Variants in CFAP52 observed in about 807,000 individuals in gnomAD.
CFAP52 encodes the protein cilia and flagella associated protein 52.
A neutral mutation model predicts 70.5 loss-of-function variants in CFAP52; 57 were observed. The ratio of observed to expected loss-of-function variants is 0.81; its 90% CI spans 0.65 to 1.01. The LOEUF (loss-of-function observed/expected upper bound fraction) is 1.01, where lower values mean the gene tolerates loss of function less well. CFAP52 is among the 50% of genes least tolerant of loss of function. The pLI, the probability that CFAP52 is intolerant of heterozygous loss-of-function variation, is 0.00. For synonymous variants in CFAP52, 267 were observed against 292.5 expected, an observed-to-expected ratio of 0.91 and a Z score of 0.89; for missense variants, 785 against 788.5, an observed-to-expected ratio of 1.00 and a Z score of 0.05.
intron 2 of CFAP52, 119 bp from the exon 3 acceptor site, chr17:9,586,579 A>C (rs1908491805): frequency 7.4e-7 from 1 of 1,356,992 alleles, no homozygotes; most frequent in East Asian, 2.5e-5. Flanking sequence ...AAAAAAAAAA[A>C]AAAAAAGAAA....
chr17:9,616,079 C>T (rs1470138390), intron 8 of CFAP52, among the ~76,000 whole-genome samples: 2 of 150,986 alleles, frequency 1.3e-5, no homozygotes, highest in East Asian at 2.0e-4. Flanking sequence ...GCATTTCCAT[C>T]TGAGGTACCG....
At chr17:9,580,643 T>A (rs1197204188) in intron 1 of CFAP52, among the ~76,000 whole-genome samples, 1 of 149,166 alleles carries the variant, frequency 6.7e-6, no homozygotes, top group East Asian at 2.0e-4. Flanking sequence ...GAGCCATCAC[T>A]GTACCACTGC....
rs143563239 is a variant in CFAP52, at chr17:9,576,788, G to A, written c.70+23G>A. ...ATGGTGAGGCCTCCAGCATCTTTGG[G>A]CTGGCTGGTTTAGGAATTCGGAGGA... On this transcript the variant is annotated intron_variant, in intron 1 of 13. Coordinates refer to ENST00000352665, the MANE Select transcript of CFAP52 (RefSeq NM_145054.5). 324 of 1,605,580 alleles carry A rather than the reference G, an allele frequency of 2.0e-4. 2 individuals carry two copies. In the African/African-American group the frequency reaches 3.5e-3, roughly 18 times the overall value.
At chr17:9,642,478 G>A (rs1911116472) in intron 13 of CFAP52, among the ~76,000 whole-genome samples, 1 of 152,134 alleles carries the variant, frequency 6.6e-6, no homozygotes, top group Admixed American at 6.5e-5. Flanking sequence ...ACAAAAATTA[G>A]CCGGGCGTGG....
At position 9,632,254 on chromosome 17, in the gene CFAP52, G is replaced by T. The variant is rs537978249; in HGVS notation, c.1175-634G>T. 5.5e-3 allele frequency among the ~76,000 whole-genome samples: 751 copies of T among 137,612 alleles called. 3 individuals are homozygous for T. The highest frequency in any genetic ancestry group is 0.01 in the African/African-American group (392 of 37,940). The allele number at this position is 137,612 out of a possible 152,430, so 90.3% of individuals were successfully genotyped here. A position where few individuals can be genotyped will look rare whatever the true frequency, so the allele number is the denominator to read the frequency against. On this transcript the variant is annotated intron_variant, in intron 9 of 13. Coordinates refer to ENST00000352665, the MANE Select transcript of CFAP52 (RefSeq NM_145054.5). ...CACCATGCGAGGCAAGTTTTTTTTT[G>T]TTTTTTTTTTTCATATTTTTTGTAG... is the stretch of plus-strand genomic sequence containing the variant.
intron 8 of CFAP52, among the ~76,000 whole-genome samples, chr17:9,621,966 G>T (rs574750057): frequency 6.6e-6 from 1 of 151,346 alleles, no homozygotes; most frequent in East Asian, 2.0e-4. Flanking sequence ...TAACTAACCT[G>T]CACAATGTGC....
intron 4 of CFAP52, 97 bp from the exon 5 acceptor site, chr17:9,598,137 A>G (rs1301609403): frequency 6.2e-6 from 6 of 960,158 alleles, no homozygotes; most frequent in Non-Finnish European, 9.5e-6. Flanking sequence ...CGAAGCCTCA[A>G]AAATGTTTAG....
In CFAP52 at chr17:9,576,750, G is replaced by T. The variant is rs1208193725; in HGVS notation, c.55G>T (p.Val19Leu). Residue 19 changes from valine (V) to leucine (L), a missense_variant, in exon 1 of 14, where the codon GTG becomes TTG. Physicochemically the swap from Val to Leu is conservative, Grantham distance 32. Transcript: ENST00000352665. ...AQVAELELDA[V>L]IGFNGHVPTG... ...AGTGGCGGAGCTGGAACTTGACGCC[G>T]TGATCGGCTTCAATGGTGAGGCCTC... 6.2e-7 allele frequency: 1 copy of T among 1,612,358 alleles called. No individual in the cohort carries two copies. The highest frequency in any genetic ancestry group is 1.7e-5 in the Admixed American group (1 of 59,816).
chr17:9,600,245 T>A (rs931604493), intron 6 of CFAP52, 62 bp downstream of exon 6: 6 of 1,395,952 alleles, frequency 4.3e-6, no homozygotes, highest in Admixed American at 1.7e-5. Context: ...GCATGTACTT[T>A]TTTTTTTCCT....
At position 9,586,761 on chromosome 17, in the gene CFAP52, G is replaced by A; in HGVS notation, c.334G>A (p.Gly112Ser). The change falls in exon 3 of 14, where the codon GGC becomes AGC. Residue 112 changes from glycine to serine, a missense_variant. Coordinates refer to ENST00000352665, the MANE Select transcript of CFAP52 (RefSeq NM_145054.5). ...GCTTGCTCGGCTGTCCCTTCACAAA[G>A]GCAAAATTGAAGCTCTGGCCTTTTC... ...ELLARLSLHK[G>S]KIEALAFSPN... 1.9e-6 allele frequency: 3 copies of A among 1,613,770 alleles called. No individual in the cohort carries two copies. The highest frequency in any genetic ancestry group is 1.1e-5 in the South Asian group (1 of 90,952).
At chr17:9,614,133 C>CTTTTCT (rs954311662) in intron 8 of CFAP52, among the ~76,000 whole-genome samples, 5 of 147,672 alleles carry the variant, frequency 3.4e-5, no homozygotes, top group Non-Finnish European at 1.5e-5. Flanking sequence ...TTTCCTTTTC[C>CTTTTCT]TTTTCTTTTT....
intron 1 of CFAP52, among the ~76,000 whole-genome samples, chr17:9,582,107 A>C (rs1182873018): frequency 2.0e-5 from 3 of 152,254 alleles, no homozygotes; most frequent in Admixed American, 6.5e-5. Context: ...AAAAACAAAA[A>C]TAAATCTGAA....
chr17:9,641,874 T>C, intron 13 of CFAP52, 39 bp downstream of exon 13: 6 of 1,569,890 alleles, frequency 3.8e-6, no homozygotes, highest in Admixed American at 1.7e-5. Context: ...CCTGGCTTAT[T>C]TAGACGAGGA....
chr17:9,605,694 G>GAAAAAAA (rs56157011), intron 6 of CFAP52, among the ~76,000 whole-genome samples: 5 of 56,968 alleles, frequency 8.8e-5, no homozygotes, highest in East Asian at 5.1e-4. Flanking sequence ...GACTCCATCT[G>GAAAAAAA]AAAAAAAAAA....
chr17:9,632,400 T>C (rs1044062717), intron 9 of CFAP52, among the ~76,000 whole-genome samples: 1 of 151,882 alleles, frequency 6.6e-6, no homozygotes, highest in Middle Eastern at 3.4e-3. Context: ...TTTTTTTAAA[T>C]AAAAAAGGAA....
chr17:9,578,392 T>G (rs1908062590), intron 1 of CFAP52, among the ~76,000 whole-genome samples: 1 of 152,194 alleles, frequency 6.6e-6, no homozygotes, highest in Non-Finnish European at 1.5e-5. Context: ...GAAATCACTC[T>G]GTTGTCCAAT....
rs544154897 is a variant in CFAP52 at position 9,576,709 on chromosome 17, T to C, written c.14T>C (p.Ile5Thr). 6.2e-7 allele frequency: 1 copy of C among 1,611,900 alleles called. No individual in the cohort carries two copies. The highest frequency in any genetic ancestry group is 1.3e-5 in the African/African-American group (1 of 74,964). MDNK[I>T]SPEAQVAELE... is the part of the protein sequence containing the mutation. ...AACCTCCCAAGGATGGATAACAAAA[T>C]TTCGCCGGAGGCCCAAGTGGCGGAG... The change falls in exon 1 of 14, where the codon ATT becomes ACT. Residue 5 changes from isoleucine to threonine, a missense_variant. Coordinates refer to ENST00000352665, the MANE Select transcript of CFAP52 (RefSeq NM_145054.5).
chr17:9,601,810 T>C (rs532877142), intron 6 of CFAP52, among the ~76,000 whole-genome samples: 2 of 152,356 alleles, frequency 1.3e-5, no homozygotes, highest in East Asian at 1.9e-4. Context: ...TACTAAACTT[T>C]GAATTTGAAA....
intron 11 of CFAP52, among the ~76,000 whole-genome samples, chr17:9,636,999 C>T (rs550327307): frequency 1.3e-5 from 2 of 152,054 alleles, no homozygotes; most frequent in Non-Finnish European, 2.9e-5. Context: ...GAGCTGAGAT[C>T]GCACCACTGC....
Sources: allele counts gnomAD v4.1 joint callset (sites outside exome capture counted in the v4.1 genomes callset), GRCh38; gene constraint gnomAD v4.1.1; transcripts MANE v1.5; gene names NCBI Gene and HGNC (gene_info 2026-07-23, HGNC 2026-07-21).